The following KCNMA1 variants were observed in gnomAD, a reference collection of about 807,000 sequenced individuals.
KCNMA1 encodes Calcium-activated potassium channel subunit alpha-1.
Under a neutral mutation model 140.0 loss-of-function variants are expected in KCNMA1, and 29 were observed. The observed-to-expected ratio is 0.21, with a 90% CI of 0.15 to 0.28. KCNMA1 has a LOEUF of 0.28. Ranked by LOEUF, KCNMA1 falls within the 10% of genes least tolerant of loss-of-function variation. The pLI is 1.00. For missense variants in KCNMA1, 880 were observed against 1,602.2 expected (o/e 0.55, Z 7.70); for synonymous variants, 612 against 611.9 (o/e 1.00, Z 0.00).
At position 76,886,761 on chromosome 10, in the gene KCNMA1, T is replaced by C. The variant is rs199672232; in HGVS notation, c.*505A>G. The C allele has an allele frequency of 9.8e-7, 1 of 1,021,092 alleles. No individual in the cohort carries two copies. Among genetic ancestry groups the C allele is most frequent in the African/African-American group, 1.7e-5 (1 of 58,032 alleles). 63.3% of individuals were successfully genotyped at this position (1,021,092 alleles called of 1,614,324 possible). On this transcript the variant is annotated 3_prime_UTR_variant, in exon 28 of 28. Coordinates refer to ENST00000286628, the MANE Select transcript of KCNMA1 (RefSeq NM_001161352.2). ...GCCCAGAGACTGGAAACAATCAATA[T>C]GTTTTCATTGCTGTTTGGTTGCTTG...
At chr10:77,093,425 C>T (rs1187569670) in intron 9 of KCNMA1, among the ~76,000 whole-genome samples, 1 of 152,164 alleles carries the variant, frequency 6.6e-6, no homozygotes, top group Admixed American at 6.5e-5. Flanking sequence ...ATAATCATTT[C>T]CCTCCATTTT....
At chr10:77,200,884 T>A (rs183332249) in intron 3 of KCNMA1, among the ~76,000 whole-genome samples, 2 of 152,302 alleles carry the variant, frequency 1.3e-5, no homozygotes, top group East Asian at 3.9e-4. Context: ...TTCTGCTGCA[T>A]CCACTATTAA....
chr10:77,568,475 GA>G (rs2154560366), intron 1 of KCNMA1, among the ~76,000 whole-genome samples: 1 of 152,128 alleles, frequency 6.6e-6, no homozygotes, highest in African/African-American at 2.4e-5. Flanking sequence ...CAGAACCAAA[GA>G]CAAAAACCAC....
intron 23 of KCNMA1, among the ~76,000 whole-genome samples, chr10:76,933,059 G>C (rs990690090): frequency 6.6e-6 from 1 of 152,146 alleles, no homozygotes; most frequent in African/African-American, 2.4e-5. Context: ...GAGACAACCT[G>C]GCCATCTGAT....
At chr10:77,619,563 G>C (rs2090751090) in intron 1 of KCNMA1, among the ~76,000 whole-genome samples, 1 of 152,106 alleles carries the variant, frequency 6.6e-6, no homozygotes, top group Non-Finnish European at 1.5e-5. Flanking sequence ...AACCCAAGAG[G>C]ATGAACGTGA....
intron 1 of KCNMA1, among the ~76,000 whole-genome samples, chr10:77,539,641 C>T (rs539219744): frequency 4.6e-5 from 7 of 152,304 alleles, no homozygotes; most frequent in African/African-American, 1.2e-4. Flanking sequence ...ACTGAGGAGC[C>T]ACGGGTGAAT....
At chr10:77,398,830 T>C (rs576446690) in intron 2 of KCNMA1, among the ~76,000 whole-genome samples, 4 of 152,354 alleles carry the variant, frequency 2.6e-5, no homozygotes, top group Non-Finnish European at 4.4e-5. Flanking sequence ...TATGATTCTA[T>C]ACAGCACAAC....
intron 23 of KCNMA1, among the ~76,000 whole-genome samples, chr10:76,928,785 A>G (rs759995926): frequency 2.0e-5 from 3 of 152,130 alleles, no homozygotes; most frequent in African/African-American, 7.2e-5. Context: ...CTCGTGTGCC[A>G]TCTACATAAG....
intron 3 of KCNMA1, among the ~76,000 whole-genome samples, chr10:77,189,788 C>T (rs1384357539): frequency 1.3e-5 from 2 of 152,142 alleles, no homozygotes; most frequent in Admixed American, 1.3e-4. Flanking sequence ...AGGCCCACAG[C>T]ACCACAGACA....
At chr10:77,463,026 G>A (rs968762396) in intron 1 of KCNMA1, among the ~76,000 whole-genome samples, 1 of 152,192 alleles carries the variant, frequency 6.6e-6, no homozygotes, top group African/African-American at 2.4e-5. Flanking sequence ...GGGGTGGGGA[G>A]AAGGTGGAAG....
intron 24 of KCNMA1, chr10:76,913,415 G>A (rs1472945791): frequency 6.6e-6 from 1 of 152,322 alleles, no homozygotes; most frequent in Non-Finnish European, 1.5e-5. Flanking sequence ...CCAGAGTGCA[G>A]GGCTGCACGT....
chr10:77,211,317 T>TGATTTTCAAC (rs2045987935), intron 3 of KCNMA1, among the ~76,000 whole-genome samples: 1 of 152,186 alleles, frequency 6.6e-6, no homozygotes. Flanking sequence ...TAGAGCCATC[T>TGATTTTCAAC]GATTTTCAAC....
At chr10:77,140,179 C>T (rs182782734) in intron 5 of KCNMA1, 1 of 152,636 alleles carries the variant, frequency 6.6e-6, no homozygotes, top group African/African-American at 2.4e-5. Context: ...ATCACCTCTC[C>T]ACTAGACAGT....
At chr10:76,941,472 C>T (rs889268381) in intron 23 of KCNMA1, among the ~76,000 whole-genome samples, 7 of 152,264 alleles carry the variant, frequency 4.6e-5, no homozygotes, top group South Asian at 4.1e-4. Flanking sequence ...GGGGAAGGAG[C>T]GATTTCTCTG....
intron 2 of KCNMA1, among the ~76,000 whole-genome samples, chr10:77,328,614 A>C (rs1383078033): frequency 2.0e-5 from 3 of 152,228 alleles, no homozygotes; most frequent in Admixed American, 1.3e-4. Flanking sequence ...ACAAGTGGAC[A>C]AAGACTGACG....
chr10:76,901,137 T>A (rs886087658), intron 25 of KCNMA1, among the ~76,000 whole-genome samples: 4 of 152,074 alleles, frequency 2.6e-5, no homozygotes, highest in African/African-American at 9.7e-5. Context: ...ATACTCTGGA[T>A]AAAATATTAA....
intron 1 of KCNMA1, among the ~76,000 whole-genome samples, chr10:77,506,636 A>T (rs1222220610): frequency 8.0e-5 from 11 of 138,002 alleles, no homozygotes; most frequent in African/African-American, 2.9e-4. Flanking sequence ...AGGGAGAGAG[A>T]CAGAGAGGGA....
At chr10:77,114,824 C>A (rs1328047247) in intron 6 of KCNMA1, among the ~76,000 whole-genome samples, 4 of 152,190 alleles carry the variant, frequency 2.6e-5, no homozygotes, top group African/African-American at 7.2e-5. Context: ...AAAGAACTCT[C>A]TTTTCTAGCT....
intron 3 of KCNMA1, among the ~76,000 whole-genome samples, chr10:77,232,963 T>C (rs142702392): frequency 4.6e-5 from 7 of 150,790 alleles, no homozygotes; most frequent in African/African-American, 1.7e-4. Context: ...CACAACTCAC[T>C]GCAGCCTCCA....
Sources: gnomAD v4.1 joint callset for allele counts (sites outside exome capture counted in the v4.1 genomes callset) on GRCh38, gnomAD v4.1.1 for gene constraint, MANE v1.5 for transcripts, NCBI Gene and HGNC (gene_info 2026-07-23, HGNC 2026-07-21) for gene names.